Variants in EPB41L3 observed in about 807,000 individuals in gnomAD.
EPB41L3 encodes the protein erythrocyte membrane protein band 4.1 like 3.
EPB41L3 carries 57 observed loss-of-function variants against 127.1 expected under a neutral mutation model. That is an observed-to-expected ratio of 0.45 (90% CI 0.36 to 0.56). The LOEUF is 0.56. Among genes scored for constraint, EPB41L3 ranks in the 20% least tolerant of loss-of-function variants. EPB41L3 has a pLI of 0.00. For synonymous variants in EPB41L3, 572 were observed against 549.5 expected (o/e 1.04, Z -0.57); for missense variants, 1,273 against 1,372.2 (o/e 0.93, Z 1.14).
At chr18:5,551,797 C>T (rs1227783693) in intron 3 of EPB41L3, among the ~76,000 whole-genome samples, 1 of 152,144 alleles carries the variant, frequency 6.6e-6, no homozygotes, top group Non-Finnish European at 1.5e-5. Flanking sequence ...ATACAATTCT[C>T]TCTGTTTCGT....
chr18:5,508,674 G>A (rs1469447764), intron 1 of EPB41L3, among the ~76,000 whole-genome samples: 1 of 150,826 alleles, frequency 6.6e-6, no homozygotes, highest in Non-Finnish European at 1.5e-5. Context: ...GGCTGAGGCA[G>A]GAGAATCACT....
upstream of EPB41L3, chr18:5,544,292 A>T (rs967861854): frequency 7.1e-6 from 7 of 985,426 alleles, no homozygotes; most frequent in African/African-American, 1.7e-5. Context: ...ATTCCCACTT[A>T]GATGATGGCC....
At chr18:5,610,100 A>G (rs927503300) in intron 3 of EPB41L3, 25 of 985,340 alleles carry the variant, frequency 2.5e-5, no homozygotes, top group Middle Eastern at 5.2e-4. Flanking sequence ...TTCTTCCCCA[A>G]ACAAAGAGAA....
intron 3 of EPB41L3, among the ~76,000 whole-genome samples, chr18:5,566,747 CT>C (rs2094206758): frequency 7.5e-6 from 1 of 133,544 alleles, no homozygotes; most frequent in East Asian, 2.3e-4. Context: ...CTATTCTATT[CT>C]ATTCTATTCT....
chr18:5,544,273 T>A (rs1021642272), upstream of EPB41L3: 3 of 985,546 alleles, frequency 3.0e-6, no homozygotes, highest in African/African-American at 5.2e-5. Context: ...CCAATAGCTT[T>A]AGCCCTTTAT....
chr18:5,458,238 T>C (rs1436655823), intron 3 of EPB41L3, among the ~76,000 whole-genome samples: 1 of 152,194 alleles, frequency 6.6e-6, no homozygotes, highest in African/African-American at 2.4e-5. Context: ...GAGAATACTT[T>C]ATTCCCACAA....
rs545773114 is a variant in EPB41L3 at position 5,523,925 on chromosome 18, G to A, written c.-12+19988C>T. Among the ~76,000 whole-genome samples the A allele has an allele frequency of 2.1e-3, 312 of 151,988 alleles. 3 individuals carry two copies. Among genetic ancestry groups the A allele is most frequent in the African/African-American group, 7.1e-3 (296 of 41,428 alleles). ...CTCTATATATAATGCTCTACAAGTA[G>A]ATATTTAAATGACTATATATATATG... is the stretch of plus-strand genomic sequence containing the variant. On this transcript the variant is annotated intron_variant, in intron 1 of 22. Transcript: ENST00000341928.
At chr18:5,436,304 C>T (rs2079779131) in intron 6 of EPB41L3, among the ~76,000 whole-genome samples, 1 of 151,548 alleles carries the variant, frequency 6.6e-6, no homozygotes, top group Non-Finnish European at 1.5e-5. Flanking sequence ...GACATAAATC[C>T]ATGTAATTAT....
chr18:5,518,114 T>TC (rs2092824592), intron 1 of EPB41L3, among the ~76,000 whole-genome samples: 1 of 152,100 alleles, frequency 6.6e-6, no homozygotes, highest in African/African-American at 2.4e-5. Flanking sequence ...AGAGCTCCTC[T>TC]CTTAATTTAA....
At chr18:5,413,874 T>G (rs1164005526) in intron 13 of EPB41L3, among the ~76,000 whole-genome samples, 1 of 152,198 alleles carries the variant, frequency 6.6e-6, no homozygotes, top group East Asian at 1.9e-4. Context: ...CAATCACACG[T>G]TCGCTAGCTT....
In EPB41L3 at chr18:5,406,971, A is replaced by G. The variant is rs763419402; in HGVS notation, c.2158-3T>C. On this transcript the variant is annotated splice_polypyrimidine_tract_variant and splice_region_variant and intron_variant, in intron 15 of 22. Coordinates refer to ENST00000341928, the MANE Select transcript of EPB41L3 (RefSeq NM_012307.5). ...TCATCTTGAGTTTTTTCTAGCTCCT[A>G]TATTCAGAACATAAAGTATCCAACA... 1.9e-6 allele frequency: 3 copies of G among 1,613,378 alleles called. No individual in the cohort carries two copies. The highest frequency in any genetic ancestry group is 2.2e-5 in the East Asian group (1 of 44,882).
chr18:5,621,475 A>T (rs1300792752), intron 1 of EPB41L3, among the ~76,000 whole-genome samples: 1 of 152,240 alleles, frequency 6.6e-6, no homozygotes, highest in East Asian at 1.9e-4. Context: ...AAGCAGGTTC[A>T]TGCCTGTAAA....
upstream of EPB41L3, among the ~76,000 whole-genome samples, chr18:5,546,815 G>C (rs528317286): frequency 2.0e-4 from 30 of 152,194 alleles, no homozygotes; most frequent in East Asian, 5.8e-3. Context: ...ATTCTTTCTT[G>C]TGAATCCCAT....
At chr18:5,552,820 C>G (rs2093983977) in intron 3 of EPB41L3, among the ~76,000 whole-genome samples, 1 of 152,130 alleles carries the variant, frequency 6.6e-6, no homozygotes. Context: ...AATAAGGTGC[C>G]CGACGTTACA....
intron 3 of EPB41L3, among the ~76,000 whole-genome samples, chr18:5,556,487 A>T (rs1199560649): frequency 6.6e-6 from 1 of 152,206 alleles, no homozygotes; most frequent in East Asian, 1.9e-4. Flanking sequence ...CTGCCACAAG[A>T]GGCGGGAGAA....
chr18:5,407,805 G>T (rs1464135431), intron 14 of EPB41L3, 69 bp from the exon 15 acceptor site: 3 of 1,473,900 alleles, frequency 2.0e-6, no homozygotes, highest in Admixed American at 3.4e-5. Flanking sequence ...GAAGAACTAT[G>T]GTCTACATAG....
At chr18:5,590,566 T>TCA (rs35652184) in intron 3 of EPB41L3, among the ~76,000 whole-genome samples, 58,922 of 150,036 alleles carry the variant, frequency 0.39, 12,017 homozygotes, top group Non-Finnish European at 0.47. Context: ...AACACTATGT[T>TCA]CACACACACA....
chr18:5,461,381 C>T (rs534946097), intron 3 of EPB41L3, among the ~76,000 whole-genome samples: 1 of 152,268 alleles, frequency 6.6e-6, no homozygotes, highest in South Asian at 2.1e-4. Flanking sequence ...TAAGCAGCAG[C>T]AGGGAAAATG....
At chr18:5,502,213 T>C (rs2091808386) in intron 1 of EPB41L3, among the ~76,000 whole-genome samples, 2 of 152,058 alleles carry the variant, frequency 1.3e-5, no homozygotes, top group South Asian at 4.1e-4. Flanking sequence ...ATTCTTTGTC[T>C]CCATTGGGCA....
Sources: gnomAD v4.1 joint callset for allele counts (sites outside exome capture counted in the v4.1 genomes callset) on GRCh38, gnomAD v4.1.1 for gene constraint, MANE v1.5 for transcripts, NCBI Gene and HGNC (gene_info 2026-07-23, HGNC 2026-07-21) for gene names.